The following MTR variants were observed in gnomAD, a reference collection of about 807,000 sequenced individuals.
MTR encodes methionine synthase.
Under a neutral mutation model 154.8 loss-of-function variants are expected in MTR, and 84 were observed. The observed-to-expected ratio is 0.54, with a 90% CI of 0.45 to 0.65. The LOEUF is 0.65. MTR is among the 30% of genes least tolerant of loss of function. The probability of loss-of-function intolerance (pLI) is 0.00; values close to 1 mark genes in which losing one functional copy is unlikely to be tolerated. For synonymous variants in MTR, 554 were observed against 553.9 expected (o/e 1.00, Z 0.00); for missense variants, 1,275 against 1,570.2 (o/e 0.81, Z 3.18).
At chr1:236,847,215 C>T (rs2103223437) in intron 15 of MTR, among the ~76,000 whole-genome samples, 1 of 152,226 alleles carries the variant, frequency 6.6e-6, no homozygotes, top group East Asian at 1.9e-4. Context: ...ATTACAGCCC[C>T]AGGATGGGCC....
At chr1:236,828,143 A>G (rs551530320) in intron 11 of MTR, among the ~76,000 whole-genome samples, 16 of 152,074 alleles carry the variant, frequency 1.1e-4, no homozygotes, top group African/African-American at 3.4e-4. Context: ...ATGCCCGGCT[A>G]ATTTTTTGTA....
chr1:236,829,273 G>A lies in MTR; in HGVS notation c.1075+5G>A. On this transcript the variant is annotated splice_donor_5th_base_variant and intron_variant, in intron 12 of 32. Transcript: ENST00000366577. ...AAGGACATATGTTACTGTCTGGTGAGTCATAAAGACCTGGTATTCCTGATT... is the reference window on the plus strand; with the variant it reads ...AAGGACATATGTTACTGTCTGGTGAATCATAAAGACCTGGTATTCCTGATT... The A allele has an allele frequency of 6.2e-7, 1 of 1,610,426 alleles. No homozygotes were observed. The highest frequency in any genetic ancestry group is 1.1e-5 in the South Asian group (1 of 90,996).
chr1:236,894,657 T>TA, intron 30 of MTR, 100 bp downstream of exon 30: 17 of 1,141,422 alleles, frequency 1.5e-5, no homozygotes, highest in East Asian at 2.5e-5. Context: ...AGAACCAGTG[T>TA]CTTTTTTTTT....
At position 236,895,470 on chromosome 1, in the gene MTR, C is replaced by A; in HGVS notation, c.3518C>A (p.Pro1173Gln). The A allele has an allele frequency of 6.3e-7, 1 of 1,597,138 alleles. No individual in the cohort carries two copies. Among genetic ancestry groups the A allele is most frequent in the East Asian group, 2.3e-5 (1 of 44,116 alleles). Reference sequence around the variant, plus strand: ...AGGCTGCGGTACAAGGGCATCCGCCCGGCTCCTGGCTACCCCAGCCAGCCC... The same window carrying A: ...AGGCTGCGGTACAAGGGCATCCGCCAGGCTCCTGGCTACCCCAGCCAGCCC... ...LRRLRYKGIR[P>Q]APGYPSQPDH... Residue 1173 changes from proline to glutamine, a missense_variant, in exon 31 of 33, where the codon CCG becomes CAG. Pro to Gln is a moderately conservative substitution (Grantham distance 76). Coordinates refer to ENST00000366577, the MANE Select transcript of MTR (RefSeq NM_000254.3).
At chr1:236,846,911 A>C (rs1262970040) in intron 15 of MTR, among the ~76,000 whole-genome samples, 1 of 151,814 alleles carries the variant, frequency 6.6e-6, no homozygotes, top group Non-Finnish European at 1.5e-5. Context: ...TTTTGAGATC[A>C]AGTCTCACTC....
At chr1:236,806,355 A>T in intron 3 of MTR, 122 bp downstream of exon 3, 1 of 802,264 alleles carries the variant, frequency 1.2e-6, no homozygotes, top group Non-Finnish European at 2.1e-6. Flanking sequence ...TCTGTTGTTT[A>T]TGATGAGACA....
chr1:236,806,354 T>G (rs547956995), intron 3 of MTR, 121 bp downstream of exon 3: 8 of 810,714 alleles, frequency 9.9e-6, no homozygotes, highest in East Asian at 7.8e-5. Flanking sequence ...ATCTGTTGTT[T>G]ATGATGAGAC....
chr1:236,803,534 C>T lies in MTR; in HGVS notation c.141C>T (p.Asn47=), dbSNP rs144151735. The change falls in exon 2 of 33, where the codon AAC becomes AAT. Residue 47 remains asparagine, a synonymous_variant. Transcript: ENST00000366577. ...CCATGATCCAGCGGGAGAAGCTAAA[C>T]GAAGAACACTTCCGAGGTCAGGAAT... ...MGTMIQREKL[N]EEHFRGQEFK... is the part of the protein sequence containing the mutation. The T allele has an allele frequency of 1.1e-5, 17 of 1,614,100 alleles. No homozygotes were observed. Among genetic ancestry groups the T allele is most frequent in the East Asian group, 4.5e-5 (2 of 44,884 alleles).
intron 15 of MTR, among the ~76,000 whole-genome samples, chr1:236,848,692 C>T (rs756861749): frequency 1.3e-5 from 2 of 152,160 alleles, no homozygotes; most frequent in South Asian, 2.1e-4. Flanking sequence ...TCCTGTCTCC[C>T]TTTCCCTGGG....
intron 19 of MTR, among the ~76,000 whole-genome samples, chr1:236,860,632 TAC>T (rs1664481923): frequency 6.6e-6 from 1 of 152,028 alleles, no homozygotes; most frequent in Non-Finnish European, 1.5e-5. Flanking sequence ...CCTACAGCAT[TAC>T]AGTGAGAAAA....
intron 13 of MTR, 52 bp downstream of exon 13, chr1:236,832,130 C>A (rs771104345): frequency 1.4e-6 from 2 of 1,389,168 alleles, no homozygotes; most frequent in African/African-American, 1.4e-5. Flanking sequence ...TTTGGCTAGA[C>A]AGCATGTAAA....
chr1:236,818,252 G>A (rs961386188), intron 8 of MTR, among the ~76,000 whole-genome samples: 1 of 152,210 alleles, frequency 6.6e-6, no homozygotes, highest in African/African-American at 2.4e-5. Flanking sequence ...TACTAATCAT[G>A]TATTGCTATT....
At chr1:236,848,003 G>A (rs974753459) in intron 15 of MTR, among the ~76,000 whole-genome samples, 31 of 152,232 alleles carry the variant, frequency 2.0e-4, no homozygotes, top group African/African-American at 7.0e-4. Flanking sequence ...ACAAAGGCCT[G>A]TACACCAATG....
chr1:236,897,310 G>GCGCGCACACACA, intron 32 of MTR, among the ~76,000 whole-genome samples, 192 bp downstream of exon 32: 1 of 128,614 alleles, frequency 7.8e-6, no homozygotes, highest in Non-Finnish European at 1.7e-5. Context: ...CCACACACAC[G>GCGCGCACACACA]CACACACACA....
At chr1:236,800,408 C>G in intron 1 of MTR, 1 of 985,398 alleles carries the variant, frequency 1.0e-6, no homozygotes, top group African/African-American at 1.7e-5. Context: ...CTTAAGTTCA[C>G]GTGATGTCAT....
chr1:236,901,807 A>G lies in MTR; in HGVS notation c.*4163A>G, dbSNP rs1216179214. ...TTCATGACCTAATTACCTCCCAAAG[A>G]TGCCATCTCCAAACACCATCATTCT... On this transcript the variant is annotated 3_prime_UTR_variant, in exon 33 of 33. Coordinates refer to ENST00000366577, the MANE Select transcript of MTR (RefSeq NM_000254.3). The G allele has an allele frequency of 6.6e-6, 1 of 152,214 alleles. No homozygotes were observed. The highest frequency in any genetic ancestry group is 2.4e-5 in the African/African-American group (1 of 41,426). The allele number at this position is 152,214 out of a possible 1,614,324, so 9.4% of individuals were successfully genotyped here. A position where few individuals can be genotyped will look rare whatever the true frequency, so the allele number is the denominator to read the frequency against.
intron 9 of MTR, 141 bp downstream of exon 9, chr1:236,824,360 G>A: frequency 1.3e-6 from 1 of 790,818 alleles, no homozygotes; most frequent in Middle Eastern, 2.2e-4. Context: ...GAGTGTCTGG[G>A]TGCAGTGTTT....
rs982109127 is a variant in MTR at position 236,885,274 on chromosome 1, C to T, written c.2775+55C>T. 33 of 1,106,046 alleles carry T rather than the reference C, an allele frequency of 3.0e-5. No individual in the cohort carries two copies. The African/African-American group carries it at 5.1e-4, about 17-fold the overall frequency. 68.5% of individuals were successfully genotyped at this position (1,106,046 alleles called of 1,614,324 possible). ...TTTTAATGTGACTGTTTTTTATGATCCTAGTTTTTAATGTGACTTTTTAAA... is the reference window on the plus strand; with the variant it reads ...TTTTAATGTGACTGTTTTTTATGATTCTAGTTTTTAATGTGACTTTTTAAA... On this transcript the variant is annotated intron_variant, in intron 26 of 32. Transcript: ENST00000366577.
intron 6 of MTR, among the ~76,000 whole-genome samples, chr1:236,813,086 G>C (rs1166388043): frequency 1.3e-5 from 2 of 152,072 alleles, no homozygotes; most frequent in Admixed American, 1.3e-4. Flanking sequence ...TATATAGCTA[G>C]TATAAATGCA....
Sources: gnomAD v4.1 joint callset for allele counts (sites outside exome capture counted in the v4.1 genomes callset) on GRCh38, gnomAD v4.1.1 for gene constraint, MANE v1.5 for transcripts, NCBI Gene and HGNC (gene_info 2026-07-23, HGNC 2026-07-21) for gene names.